Variants in AGBL4 observed in about 807,000 individuals in gnomAD.
AGBL4 encodes cytosolic carboxypeptidase 6.
AGBL4 carries 58 observed loss-of-function variants against 66.4 expected under a neutral mutation model. The ratio of observed to expected loss-of-function variants is 0.87; its 90% CI spans 0.71 to 1.09. The LOEUF is 1.09. Among genes scored for constraint, AGBL4 ranks in the 50% least tolerant of loss-of-function variants. AGBL4 has a pLI of 0.00. For missense variants in AGBL4, 579 were observed against 631.0 expected, an observed-to-expected ratio of 0.92 and a Z score of 0.88; for synonymous variants, 234 against 222.9, an observed-to-expected ratio of 1.05 and a Z score of -0.44.
intron 5 of AGBL4, among the ~76,000 whole-genome samples, chr1:48,899,914 T>C (rs1557440608): frequency 6.6e-6 from 1 of 152,168 alleles, no homozygotes; most frequent in African/African-American, 2.4e-5. Context: ...TTAATAAGTA[T>C]CATGAAGAAA....
At chr1:49,835,877 T>C (rs1435942425) in intron 2 of AGBL4, among the ~76,000 whole-genome samples, 3 of 152,174 alleles carry the variant, frequency 2.0e-5, no homozygotes, top group Non-Finnish European at 4.4e-5. Flanking sequence ...AATTCTTTTC[T>C]TTAAGAATGT....
At chr1:49,752,969 C>A (rs1651594500) in intron 2 of AGBL4, among the ~76,000 whole-genome samples, 1 of 152,198 alleles carries the variant, frequency 6.6e-6, no homozygotes, top group Non-Finnish European at 1.5e-5. Context: ...TGTCTTTGCA[C>A]ATGAGATGGG....
chr1:49,612,165 T>C (rs1645167085), intron 3 of AGBL4, among the ~76,000 whole-genome samples: 1 of 152,196 alleles, frequency 6.6e-6, no homozygotes, highest in African/African-American at 2.4e-5. Flanking sequence ...TTGCAGATGG[T>C]GACCTAATCC....
At chr1:49,553,618 G>T (rs1015815133) in intron 3 of AGBL4, among the ~76,000 whole-genome samples, 1 of 151,992 alleles carries the variant, frequency 6.6e-6, no homozygotes, top group Non-Finnish European at 1.5e-5. Context: ...TATTATCAGC[G>T]AAAAGACCCC....
chr1:48,968,958 T>G (rs555853312), intron 5 of AGBL4, among the ~76,000 whole-genome samples: 4 of 152,170 alleles, frequency 2.6e-5, no homozygotes, highest in African/African-American at 9.6e-5. Flanking sequence ...ATAACATGTA[T>G]TTAACTTTGC....
intron 3 of AGBL4, among the ~76,000 whole-genome samples, chr1:49,348,534 A>T (rs1156349258): frequency 1.3e-5 from 2 of 152,204 alleles, no homozygotes; most frequent in Non-Finnish European, 2.9e-5. Flanking sequence ...CAGAGATTGA[A>T]GCGACCCGCA....
intron 5 of AGBL4, chr1:49,025,608 T>C (rs558585698): frequency 6.6e-6 from 1 of 152,276 alleles, no homozygotes; most frequent in East Asian, 1.9e-4. Context: ...TATCTTCTGA[T>C]TCAACCAAGT....
At chr1:49,512,707 T>G (rs975282804) in intron 3 of AGBL4, among the ~76,000 whole-genome samples, 2 of 152,060 alleles carry the variant, frequency 1.3e-5, no homozygotes, top group South Asian at 2.1e-4. Flanking sequence ...CCTTTGCTTA[T>G]TAATTACCCA....
chr1:48,746,681 C>G (rs762453486), intron 6 of AGBL4, among the ~76,000 whole-genome samples: 51 of 152,316 alleles, frequency 3.3e-4, no homozygotes, highest in Admixed American at 1.8e-3. Context: ...TTCAGGAGAC[C>G]TGGGTGTGAA....
At chr1:48,648,851 C>A (rs1320085426) in intron 8 of AGBL4, among the ~76,000 whole-genome samples, 1 of 152,192 alleles carries the variant, frequency 6.6e-6, no homozygotes, top group Non-Finnish European at 1.5e-5. Context: ...AGCAGTGTTC[C>A]TGTCACAACA....
chr1:49,304,644 C>T (rs191522700), intron 3 of AGBL4, among the ~76,000 whole-genome samples: 13 of 152,080 alleles, frequency 8.5e-5, no homozygotes, highest in African/African-American at 2.4e-4. Flanking sequence ...AGAGAAAATT[C>T]GTATTTAATT....
intron 6 of AGBL4, among the ~76,000 whole-genome samples, chr1:48,721,337 G>C (rs1647145932): frequency 6.6e-6 from 1 of 152,212 alleles, no homozygotes. Flanking sequence ...CATTTCTGCT[G>C]AGTGCTGGCC....
At chr1:49,945,741 A>C (rs1287467867) in intron 1 of AGBL4, among the ~76,000 whole-genome samples, 2 of 152,126 alleles carry the variant, frequency 1.3e-5, no homozygotes, top group African/African-American at 2.4e-5. Context: ...TAAATGGCCT[A>C]AATGCTTCAC....
chr1:49,134,424 C>T (rs1409905268), intron 4 of AGBL4, among the ~76,000 whole-genome samples: 1 of 151,836 alleles, frequency 6.6e-6, no homozygotes, highest in East Asian at 1.9e-4. Flanking sequence ...GTGTTTTCTC[C>T]CTATCTACAA....
intron 3 of AGBL4, among the ~76,000 whole-genome samples, chr1:49,443,529 T>TC (rs1436259505): frequency 1.9e-4 from 29 of 152,106 alleles, no homozygotes; most frequent in African/African-American, 7.0e-4. Context: ...AGGTGTCCTT[T>TC]CCCCATTATA....
At chr1:48,900,715 A>G (rs1652003439) in intron 5 of AGBL4, among the ~76,000 whole-genome samples, 1 of 152,216 alleles carries the variant, frequency 6.6e-6, no homozygotes, top group Non-Finnish European at 1.5e-5. Flanking sequence ...CATACCTCAC[A>G]CCACATATGT....
At chr1:49,508,074 G>T (rs61783602) in intron 3 of AGBL4, among the ~76,000 whole-genome samples, 2,589 of 151,982 alleles carry the variant, frequency 0.017, 43 homozygotes, top group Non-Finnish European at 0.027. Flanking sequence ...AGTTCATGAA[G>T]TTTATACTCT....
At chr1:49,688,046 C>T (rs1646819024) in intron 3 of AGBL4, among the ~76,000 whole-genome samples, 1 of 152,164 alleles carries the variant, frequency 6.6e-6, no homozygotes, top group African/African-American at 2.4e-5. Flanking sequence ...ATCCCTCAAG[C>T]ATTTATCCTT....
At chr1:49,823,778 ATGTG>A (rs10528873) in intron 2 of AGBL4, among the ~76,000 whole-genome samples, 12 of 147,580 alleles carry the variant, frequency 8.1e-5, no homozygotes, top group Non-Finnish European at 1.6e-4. Context: ...AGGCTGCATA[ATGTG>A]TGTGTGTGTG....
Sources: allele counts gnomAD v4.1 joint callset (sites outside exome capture counted in the v4.1 genomes callset), GRCh38; gene constraint gnomAD v4.1.1; transcripts MANE v1.5; gene names NCBI Gene and HGNC (gene_info 2026-07-23, HGNC 2026-07-21).